Variants in LAMA3 observed in about 807,000 individuals in gnomAD.
LAMA3 encodes laminin subunit alpha 3, also known as laminin subunit alpha-3.
In LAMA3, 281 loss-of-function variants were observed where a neutral mutation model predicts 402.0. That is an observed-to-expected ratio of 0.70 (90% confidence interval 0.63 to 0.77). The LOEUF (loss-of-function observed/expected upper bound fraction) is 0.77. Among genes scored for constraint, LAMA3 ranks in the 30% least tolerant of loss-of-function variants. The pLI, the probability that LAMA3 is intolerant of heterozygous loss-of-function variation, is 0.00. For synonymous variants in LAMA3, 1,431 were observed against 1,558.4 expected, an observed-to-expected ratio of 0.92 and a Z score of 1.93; for missense variants, 3,840 against 4,215.5, an observed-to-expected ratio of 0.91 and a Z score of 2.47.
chr18:23,826,654 G>T (rs1473797580), intron 21 of LAMA3, 48 bp from the exon 22 acceptor site: 2 of 1,300,122 alleles, frequency 1.5e-6, no homozygotes, highest in Non-Finnish European at 2.2e-6. Flanking sequence ...ATCCAAAGTA[G>T]GGCTACCATC....
intron 67 of LAMA3, among the ~76,000 whole-genome samples, chr18:23,937,183 T>G (rs1791635029): frequency 6.6e-6 from 1 of 151,828 alleles, no homozygotes; most frequent in South Asian, 2.1e-4. Context: ...CTGGCCAACA[T>G]GGTGAAACCC....
chr18:23,943,123 A>G (rs2082582098), intron 68 of LAMA3, among the ~76,000 whole-genome samples: 1 of 152,228 alleles, frequency 6.6e-6, no homozygotes, highest in Non-Finnish European at 1.5e-5. Flanking sequence ...ACGAATACAT[A>G]CAAAACAGAA....
In LAMA3 at chr18:23,844,927, G is replaced by A. The variant is rs543297348; in HGVS notation, c.3604-82G>A. ...TTCAGATTTTGGATTTTTCGAGTAG[G>A]GGTGCTCAACCTGTATAATAAGTAG... is the stretch of plus-strand genomic sequence containing the variant. On this transcript the variant is annotated intron_variant, in intron 29 of 74. Transcript: ENST00000313654. 6 of 820,768 alleles carry A rather than the reference G, an allele frequency of 7.3e-6. No individual in the cohort carries two copies. In the Admixed American group the frequency reaches 1.1e-4, roughly 15 times the overall value. The allele number at this position is 820,768 out of a possible 1,614,324, so 50.8% of individuals were successfully genotyped here.
chr18:23,920,669 A>T (rs891184102), intron 60 of LAMA3, among the ~76,000 whole-genome samples: 2 of 152,192 alleles, frequency 1.3e-5, no homozygotes, highest in Admixed American at 6.5e-5. Flanking sequence ...CCAGTTATGG[A>T]TCGCATGAAA....
rs374739699 is a variant in LAMA3, at chr18:23,825,308, G to T, written c.2571+743G>T. On this transcript the variant is annotated intron_variant, in intron 21 of 74. Coordinates refer to ENST00000313654, the MANE Select transcript of LAMA3 (RefSeq NM_198129.4). ...AGCCCTCTTTGCTATGTGCTTTAAGGCCTGCTTTGCTTCATGGCAAGGTCT... is the reference window on the plus strand; with the variant it reads ...AGCCCTCTTTGCTATGTGCTTTAAGTCCTGCTTTGCTTCATGGCAAGGTCT... Among the ~76,000 whole-genome samples the T allele has an allele frequency of 2.6e-5, 4 of 152,210 alleles. No homozygotes were observed. The South Asian group carries it at 8.3e-4, about 32-fold the overall frequency.
intron 2 of LAMA3, among the ~76,000 whole-genome samples, chr18:23,739,260 G>A (rs756248022): frequency 6.6e-6 from 1 of 152,142 alleles, no homozygotes; most frequent in Non-Finnish European, 1.5e-5. Context: ...CCAAATTAAG[G>A]GATATAGTGT....
chr18:23,925,741 G>C (rs2081984730), intron 62 of LAMA3, among the ~76,000 whole-genome samples: 1 of 152,210 alleles, frequency 6.6e-6, no homozygotes, highest in Non-Finnish European at 1.5e-5. Flanking sequence ...ATGTAGAACT[G>C]TAGGTCCTCA....
intron 3 of LAMA3, 57 bp downstream of exon 3, chr18:23,748,117 G>T (rs1482764653): frequency 9.8e-7 from 1 of 1,015,542 alleles, no homozygotes; most frequent in African/African-American, 1.6e-5. Context: ...AACAGATAAA[G>T]ACTATGGATT....
At chr18:23,749,574 A>C (rs1248807953) in intron 4 of LAMA3, 28 bp downstream of exon 4, 1 of 1,306,538 alleles carries the variant, frequency 7.7e-7, no homozygotes, top group East Asian at 2.3e-5. Context: ...ACTGGGAGAG[A>C]TAAGACTCAG....
intron 2 of LAMA3, among the ~76,000 whole-genome samples, chr18:23,742,264 G>T (rs1326757658): frequency 6.6e-6 from 1 of 152,198 alleles, no homozygotes; most frequent in Non-Finnish European, 1.5e-5. Flanking sequence ...GGACATTTTG[G>T]ACTGTTCAAA....
chr18:23,793,708 G>A (rs554418894), intron 12 of LAMA3, among the ~76,000 whole-genome samples: 16 of 152,230 alleles, frequency 1.1e-4, no homozygotes, highest in African/African-American at 3.1e-4. Flanking sequence ...AATGTGTGGG[G>A]GTCTCTTCCC....
chr18:23,715,695 T>G (rs1184408068), intron 2 of LAMA3, among the ~76,000 whole-genome samples: 1 of 152,164 alleles, frequency 6.6e-6, no homozygotes, highest in East Asian at 1.9e-4. Flanking sequence ...TATTAGAACA[T>G]TTTCATAACT....
At chr18:23,871,754 C>G (rs1324827941) in intron 38 of LAMA3, 93 bp downstream of exon 38, 1 of 956,478 alleles carries the variant, frequency 1.0e-6, no homozygotes, top group East Asian at 2.6e-5. Flanking sequence ...TTGGGGCCCT[C>G]TGTCTATTGT....
intron 12 of LAMA3, among the ~76,000 whole-genome samples, chr18:23,808,684 C>A (rs1386422611): frequency 6.6e-6 from 1 of 152,210 alleles, no homozygotes; most frequent in Non-Finnish European, 1.5e-5. Context: ...AGTTCCCCTC[C>A]ATCAGTGAGA....
chr18:23,695,527 G>A (rs903254540), intron 1 of LAMA3, among the ~76,000 whole-genome samples: 5 of 152,052 alleles, frequency 3.3e-5, no homozygotes, highest in Non-Finnish European at 7.4e-5. Flanking sequence ...CGCACATTAT[G>A]AGTCATCCTT....
chr18:23,753,666 G>A, intron 5 of LAMA3, 55 bp from the exon 6 acceptor site: 2 of 1,375,600 alleles, frequency 1.5e-6, no homozygotes, highest in Non-Finnish European at 2.1e-6. Context: ...ACTAGTAAGA[G>A]AAAGTTTTTG....
intron 27 of LAMA3, among the ~76,000 whole-genome samples, chr18:23,841,713 G>A (rs906078501): frequency 1.3e-5 from 2 of 152,106 alleles, no homozygotes; most frequent in African/African-American, 2.4e-5. Context: ...GCTTGAGACC[G>A]TGAGCTTAAG....
At position 23,949,918 on chromosome 18, in the gene LAMA3, G is replaced by A. The variant is rs367725541; in HGVS notation, c.9505G>A (p.Val3169Ile). Residue 3169 changes from valine (V) to isoleucine (I), a missense_variant, in exon 71 of 75, where the codon GTC (valine) becomes ATC (isoleucine). Physicochemically the swap from Val to Ile is conservative, Grantham distance 29. Around this residue, in one of 3 missense-constraint regions of LAMA3, gnomAD observed 840 missense variants for 981.9 expected, o/e 0.86. Coordinates refer to ENST00000313654, the MANE Select transcript of LAMA3 (RefSeq NM_198129.4). ...IYFSEEGGHV[V>I]LAHSVLLGPE... ...TTTCTCTGAAGAAGGAGGTCATGTC[G>A]TCTTGGGTAAGGAGCAGTTCTATAG... 1.2e-5 allele frequency: 19 copies of A among 1,614,034 alleles called. No homozygotes were observed. Among genetic ancestry groups the A allele is most frequent in the Non-Finnish European group, 1.5e-5 (18 of 1,180,030 alleles).
chr18:23,787,274 C>T (rs1227768800), intron 12 of LAMA3, among the ~76,000 whole-genome samples: 1 of 152,048 alleles, frequency 6.6e-6, no homozygotes, highest in Non-Finnish European at 1.5e-5. Flanking sequence ...AAGAGTGAAA[C>T]TCTGTCTCAA....
Sources: allele counts gnomAD v4.1 joint callset (sites outside exome capture counted in the v4.1 genomes callset), GRCh38; gene constraint gnomAD v4.1.1; regional missense constraint gnomAD v4.1.1; transcripts MANE v1.5; gene names NCBI Gene and HGNC (gene_info 2026-07-23, HGNC 2026-07-21).